The following CEP63 variants were observed in gnomAD, a reference collection of about 807,000 sequenced individuals.
The protein encoded by CEP63 is centrosomal protein of 63 kDa.
CEP63 carries 84 observed loss-of-function variants against 89.1 expected under a neutral mutation model. The observed-to-expected ratio is 0.94, with a 90% CI of 0.79 to 1.13. The LOEUF is 1.13. Among genes scored for constraint, CEP63 ranks in the 50% most tolerant of loss-of-function variants. The probability of loss-of-function intolerance (pLI) is 0.00; values close to 1 mark genes in which losing one functional copy is unlikely to be tolerated. For synonymous variants in CEP63, 267 were observed against 272.5 expected, an observed-to-expected ratio of 0.98 and a Z score of 0.20; for missense variants, 838 against 813.3, an observed-to-expected ratio of 1.03 and a Z score of -0.37.
intron 3 of CEP63, among the ~76,000 whole-genome samples, chr3:134,523,056 A>G (rs1460740089): frequency 6.6e-6 from 1 of 152,192 alleles, no homozygotes; most frequent in Non-Finnish European, 1.5e-5. Context: ...CAACCTTGCC[A>G]GCATCTGTTA....
the CEP63 span, among the ~76,000 whole-genome samples, chr3:134,627,286 T>C: frequency 6.6e-6 from 1 of 152,184 alleles, no homozygotes; most frequent in East Asian, 1.9e-4. Context: ...CACCCCGCCT[T>C]AGATGACATC....
Position 134,550,257 on chromosome 3 carries a change from T to C in CEP63, c.1377T>C (p.His459=), listed in dbSNP as rs149503464. The stretch of plus-strand genomic sequence containing the variant: ...AGGCAGAAGACAAAGCAGTAGAGCA[T>C]AAGGTGAAGCCTGAACAAAACCTTT... ...MQKAEDKAVE[H]KEILDQLESL... The change falls in exon 11 of 15, where the codon CAT becomes CAC. Residue 459 remains histidine, a synonymous_variant. Coordinates refer to ENST00000675561, the MANE Select transcript of CEP63 (RefSeq NM_001353108.3). 2 of 1,613,984 alleles carry C rather than the reference T, an allele frequency of 1.2e-6. No homozygotes were observed. Among genetic ancestry groups the C allele is most frequent in the Non-Finnish European group, 1.7e-6 (2 of 1,179,890 alleles).
intron 14 of CEP63, 70 bp from the exon 15 acceptor site, chr3:134,561,307 C>T (rs543726237): frequency 2.1e-6 from 3 of 1,420,174 alleles, no homozygotes. Flanking sequence ...TAGAAAATGT[C>T]ATGAACAGTG....
the CEP63 span, among the ~76,000 whole-genome samples, chr3:134,752,492 C>T: frequency 2.0e-5 from 3 of 152,190 alleles, no homozygotes; most frequent in Non-Finnish European, 2.9e-5. Flanking sequence ...CTCTCTTGCA[C>T]CCTCATTTCG....
chr3:134,555,024 CAT>C, intron 12 of CEP63, among the ~76,000 whole-genome samples: 1 of 152,230 alleles, frequency 6.6e-6, no homozygotes, highest in East Asian at 1.9e-4. Flanking sequence ...ACAAAAACCA[CAT>C]GATTATCTCA....
At chr3:134,740,459 G>A in the CEP63 span, among the ~76,000 whole-genome samples, 5 of 151,966 alleles carry the variant, frequency 3.3e-5, no homozygotes, top group East Asian at 5.8e-4. Context: ...TACTATGCCC[G>A]GCTAATTTTT....
the CEP63 span, among the ~76,000 whole-genome samples, chr3:134,682,588 A>G: frequency 2.0e-5 from 3 of 152,104 alleles, no homozygotes; most frequent in African/African-American, 7.2e-5. Context: ...TGGGATATGA[A>G]ATATTTTTGA....
At chr3:134,624,960 T>G in the CEP63 span, 1 of 1,086,378 alleles carries the variant, frequency 9.2e-7, no homozygotes, top group Non-Finnish European at 1.4e-6. Flanking sequence ...CCACTCAGGA[T>G]ATGTTCAGGA....
At chr3:134,700,607 A>T in the CEP63 span, among the ~76,000 whole-genome samples, 1,578 of 152,142 alleles carry the variant, frequency 0.01, 26 homozygotes, top group African/African-American at 0.036. Flanking sequence ...GAATAAGAAG[A>T]TTTATCTTCC....
the CEP63 span, among the ~76,000 whole-genome samples, chr3:134,738,542 G>T: frequency 6.6e-6 from 1 of 152,008 alleles, no homozygotes; most frequent in Non-Finnish European, 1.5e-5. Flanking sequence ...ATCATATGTT[G>T]TCACTGATAT....
chr3:134,616,255 C>G, the CEP63 span, among the ~76,000 whole-genome samples: 1 of 152,192 alleles, frequency 6.6e-6, no homozygotes, highest in Admixed American at 6.5e-5. Flanking sequence ...TTGGGACAGA[C>G]AGAAGGAACT....
chr3:134,590,153 G>A (rs1389625115), downstream of CEP63, among the ~76,000 whole-genome samples: 7 of 152,136 alleles, frequency 4.6e-5, no homozygotes, highest in South Asian at 8.3e-4. Flanking sequence ...TCACCTGGGC[G>A]ACAAAATAAT....
At chr3:134,715,978 C>CTT in the CEP63 span, among the ~76,000 whole-genome samples, 9,199 of 149,414 alleles carry the variant, frequency 0.062, 452 homozygotes, top group South Asian at 0.28. Flanking sequence ...CTTTCAAAGA[C>CTT]TTTTTTTTTT....
At chr3:134,520,680 A>G (rs1947249288) in intron 3 of CEP63, among the ~76,000 whole-genome samples, 1 of 152,202 alleles carries the variant, frequency 6.6e-6, no homozygotes, top group East Asian at 1.9e-4. Context: ...TTGCAAGGAT[A>G]GAAAAACAGA....
chr3:134,581,678 C>CTTTTT (rs1307921869), intron 10 of CEP63, among the ~76,000 whole-genome samples: 192 of 18,522 alleles, frequency 0.01, 2 homozygotes, highest in Non-Finnish European at 0.014. Context: ...ATGATGAAAA[C>CTTTTT]ATTTTTTTTT....
At chr3:134,687,201 G>A in the CEP63 span, among the ~76,000 whole-genome samples, 7 of 152,174 alleles carry the variant, frequency 4.6e-5, no homozygotes, top group Admixed American at 4.6e-4. Context: ...CAGGAAAAAT[G>A]CATCATGGAG....
the CEP63 span, among the ~76,000 whole-genome samples, chr3:134,650,139 A>G: frequency 6.6e-6 from 1 of 152,102 alleles, no homozygotes; most frequent in South Asian, 2.1e-4. Flanking sequence ...TGCTTTCCAC[A>G]ATCACTCTAT....
At chr3:134,605,218 C>T in the CEP63 span, among the ~76,000 whole-genome samples, 1 of 152,152 alleles carries the variant, frequency 6.6e-6, no homozygotes, top group Non-Finnish European at 1.5e-5. Flanking sequence ...CTTTGTAGCC[C>T]ATGAGGACCC....
At chr3:134,571,509 G>A (rs1011377947) in intron 11 of CEP63, among the ~76,000 whole-genome samples, 5 of 152,212 alleles carry the variant, frequency 3.3e-5, no homozygotes, top group Middle Eastern at 3.4e-3. Flanking sequence ...GTGAAACCCC[G>A]TCTTTACTAA....
Sources: gnomAD v4.1 joint callset for allele counts (sites outside exome capture counted in the v4.1 genomes callset) on GRCh38, gnomAD v4.1.1 for gene constraint, MANE v1.5 for transcripts, NCBI Gene and HGNC (gene_info 2026-07-23, HGNC 2026-07-21) for gene names.